GABRB1: variants seen among roughly 807,000 people sequenced by gnomAD.
The protein encoded by GABRB1 is gamma-aminobutyric acid type A receptor subunit beta1.
Under a neutral mutation model 51.6 loss-of-function variants are expected in GABRB1, and 17 were observed. The ratio of observed to expected loss-of-function variants is 0.33; its 90% confidence interval spans 0.23 to 0.49. GABRB1 has a LOEUF of 0.49. Ranked by LOEUF, GABRB1 falls within the 20% of genes least tolerant of loss-of-function variation. The pLI, the probability that GABRB1 is intolerant of heterozygous loss-of-function variation, is 0.99. For missense variants in GABRB1, 410 were observed against 600.6 expected (o/e 0.68, Z 3.32); for synonymous variants, 247 against 218.9 (o/e 1.13, Z -1.14).
chr4:47,283,380 TTTTTTTTTTTTTTTTTTTTTTTTG>T (rs1723370757), intron 4 of GABRB1, among the ~76,000 whole-genome samples: 1 of 88,858 alleles, frequency 1.1e-5, no homozygotes, highest in African/African-American at 5.0e-5. Context: ...TTTTTTTTTT[TTTTTTTTTTTTTTTTTTTTTTTTG>T]AGACAGAGTC....
At chr4:47,084,537 T>G (rs1247517636) in intron 3 of GABRB1, among the ~76,000 whole-genome samples, 1 of 152,184 alleles carries the variant, frequency 6.6e-6, no homozygotes, top group Admixed American at 6.5e-5. Context: ...AATAATCAGC[T>G]CAGACATCAA....
chr4:47,081,653 G>A (rs1727847796), intron 3 of GABRB1, among the ~76,000 whole-genome samples: 1 of 152,004 alleles, frequency 6.6e-6, no homozygotes, highest in Non-Finnish European at 1.5e-5. Context: ...ATGTGCCCAA[G>A]TTTAATATGT....
At chr4:47,260,663 C>A (rs1722393524) in intron 4 of GABRB1, among the ~76,000 whole-genome samples, 1 of 152,228 alleles carries the variant, frequency 6.6e-6, no homozygotes, top group Non-Finnish European at 1.5e-5. Flanking sequence ...CCCCCACTCT[C>A]TTCTGGCTTG....
At chr4:47,253,342 T>C (rs1173850113) in intron 4 of GABRB1, among the ~76,000 whole-genome samples, 6 of 152,168 alleles carry the variant, frequency 3.9e-5, no homozygotes, top group African/African-American at 1.2e-4. Context: ...GAAAGAAATA[T>C]AGTTTTATGT....
chr4:47,296,143 A>G (rs866255437), intron 4 of GABRB1, among the ~76,000 whole-genome samples: 1 of 152,252 alleles, frequency 6.6e-6, no homozygotes, highest in Non-Finnish European at 1.5e-5. Context: ...AGTACCGGCC[A>G]CTGCAAAATC....
chr4:47,044,678 A>G (rs890896856), intron 3 of GABRB1, among the ~76,000 whole-genome samples: 12 of 152,034 alleles, frequency 7.9e-5, no homozygotes, highest in African/African-American at 1.2e-4. Context: ...CTTATAATGA[A>G]TTTCTCCCTC....
chr4:47,410,366 G>A (rs1052897250), intron 8 of GABRB1, among the ~76,000 whole-genome samples: 2 of 152,092 alleles, frequency 1.3e-5, no homozygotes, highest in African/African-American at 4.8e-5. Context: ...TTTAAGACAT[G>A]GGAGAGTAAC....
chr4:47,379,249 T>G (rs1727508097), intron 5 of GABRB1, among the ~76,000 whole-genome samples: 1 of 152,170 alleles, frequency 6.6e-6, no homozygotes, highest in Non-Finnish European at 1.5e-5. Context: ...ATACCACAGA[T>G]GGTCCCTGAT....
At chr4:47,000,931 A>G (rs1724159162) in intron 1 of GABRB1, among the ~76,000 whole-genome samples, 1 of 152,194 alleles carries the variant, frequency 6.6e-6, no homozygotes, top group Admixed American at 6.5e-5. Context: ...GGGATAACAA[A>G]GATGTAAATA....
intron 4 of GABRB1, among the ~76,000 whole-genome samples, chr4:47,295,950 T>C (rs2109929677): frequency 6.6e-6 from 1 of 152,254 alleles, no homozygotes; most frequent in East Asian, 1.9e-4. Flanking sequence ...TGGGGGCCAA[T>C]ATTCAACATT....
chr4:46,999,271 T>C (rs1420527888), intron 1 of GABRB1, among the ~76,000 whole-genome samples: 2 of 152,188 alleles, frequency 1.3e-5, no homozygotes, highest in Non-Finnish European at 2.9e-5. Flanking sequence ...ATGAATATAA[T>C]GTCATGTCTT....
At chr4:47,398,930 A>C (rs539689804) in intron 5 of GABRB1, among the ~76,000 whole-genome samples, 11 of 151,738 alleles carry the variant, frequency 7.2e-5, no homozygotes, top group Admixed American at 1.3e-4. Context: ...AGCTGGGACT[A>C]TAGGGGCCCG....
chr4:46,998,401 T>C (rs1393238342), intron 1 of GABRB1, among the ~76,000 whole-genome samples: 1 of 152,140 alleles, frequency 6.6e-6, no homozygotes, highest in Non-Finnish European at 1.5e-5. Context: ...TTATTCAATA[T>C]TAGCTTTTGT....
At chr4:47,077,227 G>A (rs371339388) in intron 3 of GABRB1, among the ~76,000 whole-genome samples, 33 of 152,268 alleles carry the variant, frequency 2.2e-4, no homozygotes, top group East Asian at 2.1e-3. Flanking sequence ...TACCAGATCT[G>A]ATTTAAGGAG....
At chr4:47,327,138 A>G (rs4261968) in intron 5 of GABRB1, among the ~76,000 whole-genome samples, 93,601 of 152,110 alleles carry the variant, frequency 0.62, 28,930 homozygotes, top group East Asian at 0.7. Flanking sequence ...CATTTCATTT[A>G]TACATTCATT....
At chr4:47,004,063 C>A (rs944144600) in intron 1 of GABRB1, among the ~76,000 whole-genome samples, 4 of 152,152 alleles carry the variant, frequency 2.6e-5, no homozygotes, top group African/African-American at 9.7e-5. Flanking sequence ...CATCTCGGCT[C>A]ATGCAACCGC....
intron 4 of GABRB1, among the ~76,000 whole-genome samples, chr4:47,231,884 C>A (rs547750883): frequency 6.6e-6 from 1 of 152,256 alleles, no homozygotes; most frequent in African/African-American, 2.4e-5. Flanking sequence ...TCCATGGCAA[C>A]AAATTGGTGA....
intron 4 of GABRB1, among the ~76,000 whole-genome samples, chr4:47,299,818 T>C (rs1159749543): frequency 6.6e-6 from 1 of 151,902 alleles, no homozygotes. Flanking sequence ...CTATTCACAA[T>C]AGCAAAGACT....
intron 3 of GABRB1, among the ~76,000 whole-genome samples, chr4:47,112,347 C>T (rs903538671): frequency 2.0e-5 from 3 of 152,232 alleles, no homozygotes; most frequent in East Asian, 1.9e-4. Flanking sequence ...CCTCGTAATC[C>T]GACTGCCTCA....
Sources: gnomAD v4.1 joint callset for allele counts (sites outside exome capture counted in the v4.1 genomes callset) on GRCh38, gnomAD v4.1.1 for gene constraint, MANE v1.5 for transcripts, NCBI Gene and HGNC (gene_info 2026-07-23, HGNC 2026-07-21) for gene names.